Variants in SP140L observed in about 807,000 individuals in gnomAD.
SP140L encodes SP140 like nuclear body protein.
SP140L carries 64 observed loss-of-function variants against 84.3 expected under a neutral mutation model. The observed-to-expected ratio is 0.76, with a 90% CI of 0.62 to 0.94. The LOEUF (loss-of-function observed/expected upper bound fraction) is 0.94, where lower values mean the gene tolerates loss of function less well. Ranked by LOEUF, SP140L falls within the 40% of genes least tolerant of loss-of-function variation. SP140L has a pLI of 0.00. For synonymous variants in SP140L, 242 were observed against 236.9 expected, an observed-to-expected ratio of 1.02 and a Z score of -0.20; for missense variants, 628 against 692.5, an observed-to-expected ratio of 0.91 and a Z score of 1.05.
At chr2:230,391,154 G>A (rs1170540272) in intron 11 of SP140L, among the ~76,000 whole-genome samples, 2 of 151,960 alleles carry the variant, frequency 1.3e-5, no homozygotes, top group African/African-American at 4.8e-5. Context: ...TCACTCTTTG[G>A]CTGTTATAAA....
At chr2:230,361,345 C>T (rs1259874481) in intron 4 of SP140L, among the ~76,000 whole-genome samples, 1 of 152,170 alleles carries the variant, frequency 6.6e-6, no homozygotes, top group Non-Finnish European at 1.5e-5. Flanking sequence ...TGTATGCCTA[C>T]CCTGCCATCT....
rs765248065 is a variant in SP140L, at chr2:230,357,842, G to A, written c.145G>A (p.Val49Ile). The A allele has an allele frequency of 8.7e-6, 14 of 1,613,932 alleles. No individual in the cohort carries two copies. The highest frequency in any genetic ancestry group is 1.3e-5 in the African/African-American group (1 of 75,008). ...TEDQDVDEGL[V>I]YDTVFKHFKR... ...AGACCAGGATGTAGATGAGGGACTT[G>A]TCTATGACACTGTATTCAAGCACTT... is the stretch of plus-strand genomic sequence containing the variant. Residue 49 changes from valine to isoleucine, a missense_variant, in exon 3 of 19, where the codon GTC (valine) becomes ATC (isoleucine). Transcript: ENST00000415673.
chr2:230,371,572 C>T, intron 6 of SP140L, 26 bp from the exon 7 acceptor site: 1 of 1,562,694 alleles, frequency 6.4e-7, no homozygotes, highest in East Asian at 2.2e-5. Context: ...ATTTCTGTTT[C>T]CTCACTACCA....
intron 12 of SP140L, among the ~76,000 whole-genome samples, chr2:230,392,566 C>G (rs937982905): frequency 1.3e-5 from 2 of 152,116 alleles, no homozygotes; most frequent in African/African-American, 4.8e-5. Context: ...AAAGAATGAC[C>G]TGAAAACCAG....
At chr2:230,340,343 G>T (rs572510547) in intron 2 of SP140L, among the ~76,000 whole-genome samples, 2,536 of 147,434 alleles carry the variant, frequency 0.017, 164 homozygotes, top group African/African-American at 0.059. Flanking sequence ...CCATTGGCTT[G>T]GTAGATCTTC....
intron 7 of SP140L, among the ~76,000 whole-genome samples, chr2:230,383,040 T>A (rs1321922686): frequency 6.6e-6 from 1 of 152,242 alleles, no homozygotes; most frequent in East Asian, 1.9e-4. Flanking sequence ...AATGAAATTA[T>A]ATAGAAATTC....
intron 5 of SP140L, among the ~76,000 whole-genome samples, chr2:230,369,274 C>A (rs1398083738): frequency 6.6e-6 from 1 of 152,118 alleles, no homozygotes; most frequent in Non-Finnish European, 1.5e-5. Context: ...CATCTTCAGG[C>A]ACTTCAGTGA....
At chr2:230,365,265 G>A (rs528641505) in intron 5 of SP140L, among the ~76,000 whole-genome samples, 1 of 152,174 alleles carries the variant, frequency 6.6e-6, no homozygotes, top group South Asian at 2.1e-4. Context: ...ATTCAGCAGT[G>A]AAACCATCTG....
At chr2:230,383,385 TAAA>T in intron 7 of SP140L, 122 bp from the exon 8 acceptor site, 1 of 912,968 alleles carries the variant, frequency 1.1e-6, no homozygotes, top group South Asian at 1.9e-5. Flanking sequence ...ACACTGATCA[TAAA>T]GAATTTTGCC....
intron 2 of SP140L, among the ~76,000 whole-genome samples, chr2:230,355,261 A>G (rs2149724831): frequency 6.6e-6 from 1 of 152,332 alleles, no homozygotes; most frequent in East Asian, 1.9e-4. Context: ...TAGCAATGCC[A>G]TAAATACATG....
intron 10 of SP140L, chr2:230,388,849 G>T (rs2061692422): frequency 4.9e-6 from 2 of 412,116 alleles, no homozygotes; most frequent in Non-Finnish European, 8.8e-6. Context: ...GGGGCCCCAG[G>T]GGGTCACTAA....
chr2:230,340,348 A>T (rs2060003798), intron 2 of SP140L, among the ~76,000 whole-genome samples: 1 of 147,598 alleles, frequency 6.8e-6, no homozygotes, highest in Non-Finnish European at 1.5e-5. Flanking sequence ...GGCTTGGTAG[A>T]TCTTCCTCCA....
At chr2:230,328,641 T>G (rs1575417735) in intron 1 of SP140L, 116 bp from the exon 2 acceptor site, 1 of 1,329,370 alleles carries the variant, frequency 7.5e-7, no homozygotes, top group Non-Finnish European at 1.0e-6. Flanking sequence ...ATATTTCTCT[T>G]TTTTTTGCAC....
intron 2 of SP140L, among the ~76,000 whole-genome samples, chr2:230,352,653 A>G (rs2149717247): frequency 6.6e-6 from 1 of 152,198 alleles, no homozygotes; most frequent in Non-Finnish European, 1.5e-5. Flanking sequence ...TTAGTTTTCT[A>G]CTTCTCATGA....
intron 8 of SP140L, 99 bp from the exon 9 acceptor site, chr2:230,385,125 C>A: frequency 8.5e-7 from 1 of 1,173,604 alleles, no homozygotes; most frequent in Non-Finnish European, 1.2e-6. Context: ...CGAGGGGATC[C>A]AGAGTGAAAC....
intron 7 of SP140L, chr2:230,372,768 CT>C (rs1414861549): frequency 6.7e-6 from 1 of 148,782 alleles, no homozygotes. Context: ...CATGTACTCA[CT>C]TTAAATAAAA....
At chr2:230,352,059 T>C (rs779379983) in intron 2 of SP140L, among the ~76,000 whole-genome samples, 1 of 152,246 alleles carries the variant, frequency 6.6e-6, no homozygotes, top group Non-Finnish European at 1.5e-5. Flanking sequence ...GAGCATTTTA[T>C]ATATCTCCAT....
intron 7 of SP140L, among the ~76,000 whole-genome samples, chr2:230,380,493 A>T (rs184091499): frequency 6.6e-6 from 1 of 152,288 alleles, no homozygotes. Flanking sequence ...TTTTAAGATA[A>T]AATTTACAAT....
intron 4 of SP140L, 36 bp downstream of exon 4, chr2:230,359,168 G>A (rs778018732): frequency 1.3e-6 from 2 of 1,588,646 alleles, no homozygotes; most frequent in Non-Finnish European, 1.7e-6. Context: ...TGATTTCCGG[G>A]GCCAATTTTT....
Sources: gnomAD v4.1 joint callset for allele counts (sites outside exome capture counted in the v4.1 genomes callset) on GRCh38, gnomAD v4.1.1 for gene constraint, MANE v1.5 for transcripts, NCBI Gene and HGNC (gene_info 2026-07-23, HGNC 2026-07-21) for gene names.